PPP2R5C: variants seen among roughly 807,000 people sequenced by gnomAD.
The protein encoded by PPP2R5C is protein phosphatase 2 regulatory subunit B'gamma, also known as serine/threonine-protein phosphatase 2A 56 kDa regulatory subunit gamma isoform.
PPP2R5C carries 7 observed loss-of-function variants against 68.9 expected under a neutral mutation model. The ratio of observed to expected loss-of-function variants is 0.10; its 90% CI spans 0.06 to 0.19. The LOEUF (loss-of-function observed/expected upper bound fraction) is 0.19, where lower values mean the gene tolerates loss of function less well. Among genes scored for constraint, PPP2R5C ranks in the 10% least tolerant of loss-of-function variants. The pLI is 1.00. For synonymous variants in PPP2R5C, 210 were observed against 222.2 expected, an observed-to-expected ratio of 0.95 and a Z score of 0.49; for missense variants, 348 against 641.3, an observed-to-expected ratio of 0.54 and a Z score of 4.94.
At chr14:101,919,794 C>T (rs1018674992) in intron 13 of PPP2R5C, among the ~76,000 whole-genome samples, 4 of 151,876 alleles carry the variant, frequency 2.6e-5, no homozygotes, top group Admixed American at 1.3e-4. Flanking sequence ...ATGGGGAAAC[C>T]CCATCTCTAC....
chr14:101,791,255 G>A (rs181068732), intron 3 of PPP2R5C, among the ~76,000 whole-genome samples: 189 of 152,236 alleles, frequency 1.2e-3, no homozygotes, highest in Non-Finnish European at 2.1e-3. Flanking sequence ...GTGTAATGGT[G>A]TCTCACTGTG....
intron 13 of PPP2R5C, chr14:101,921,231 T>C (rs2046988607): frequency 4.5e-6 from 1 of 223,268 alleles, no homozygotes; most frequent in African/African-American, 2.4e-5. Context: ...ACTCAGCTGA[T>C]TTTTGTATTT....
chr14:101,763,009 A>G, intron 2 of PPP2R5C, 39 bp downstream of exon 2: 3 of 1,495,108 alleles, frequency 2.0e-6, no homozygotes, highest in Non-Finnish European at 2.7e-6. Context: ...TTTTATACAC[A>G]GCTTTTAACT....
chr14:101,869,173 A>C (rs761529877), intron 2 of PPP2R5C, among the ~76,000 whole-genome samples: 1 of 152,220 alleles, frequency 6.6e-6, no homozygotes, highest in African/African-American at 2.4e-5. Context: ...TCCAGAATGG[A>C]AACTCCATAG....
Position 101,797,740 on chromosome 14 carries a change from T to C in PPP2R5C, c.259+11557T>C, listed in dbSNP as rs1043514802. ...ATACTTTTACTTCGCGTTGGTTCCC[T>C]ACGTTCTTAGAACAAGGAAGGAGTG... On this transcript the variant is annotated intron_variant, in intron 3 of 14. Coordinates refer to the PPP2R5C transcript ENST00000328724. The surrounding 1 kb of genome is among the most constrained non-coding windows in gnomAD (Gnocchi z 4.2). 1 of 159,020 alleles carries C rather than the reference T, an allele frequency of 6.3e-6. No homozygotes were observed. The highest frequency in any genetic ancestry group is 6.2e-5 in the Admixed American group (1 of 16,218). 9.9% of individuals were successfully genotyped at this position (159,020 alleles called of 1,614,324 possible).
chr14:101,916,010 C>T lies in PPP2R5C; in HGVS notation c.1327-1821C>T, dbSNP rs7157928. Among the ~76,000 whole-genome samples, 20,500 of 151,980 alleles carry T rather than the reference C, an allele frequency of 0.13. 1,981 individuals are homozygous for T. The highest frequency in any genetic ancestry group is 0.3 in the East Asian group (1,541 of 5,152). On this transcript the variant is annotated intron_variant, in intron 12 of 13. Transcript: ENST00000334743. The surrounding 1 kb of genome is among the most constrained non-coding windows in gnomAD (Gnocchi z 5.5). The stretch of plus-strand genomic sequence containing the variant: ...ACACAGTGGGTGACAGGTGTCGGTC[C>T]TGGTGGGGTGTCAGTTATGGGGTGG...
chr14:101,761,827 G>A (rs1400482412), upstream of PPP2R5C: 4 of 985,282 alleles, frequency 4.1e-6, no homozygotes, highest in Non-Finnish European at 4.8e-6. Context: ...GGCCGGGGCG[G>A]GGGCGCTGCT....
At chr14:101,881,580 A>G (rs1345073638) in intron 2 of PPP2R5C, among the ~76,000 whole-genome samples, 1 of 152,228 alleles carries the variant, frequency 6.6e-6, no homozygotes, top group Non-Finnish European at 1.5e-5. Flanking sequence ...TGCTGCCCCT[A>G]CCGATCCTCT....
intron 2 of PPP2R5C, chr14:101,765,993 C>A (rs542508460): frequency 6.6e-6 from 1 of 152,332 alleles, no homozygotes; most frequent in South Asian, 2.1e-4. Flanking sequence ...GCTTCTCAGC[C>A]TTGAGAGATG....
At chr14:101,883,214 T>C in intron 3 of PPP2R5C, 43 bp from the exon 6 acceptor site, 1 of 1,364,650 alleles carries the variant, frequency 7.3e-7, no homozygotes, top group Non-Finnish European at 1.0e-6. Context: ...CGCCATTCAA[T>C]AAAATCTCAT....
At chr14:101,760,733 G>A (rs2036453831), upstream of PPP2R5C, 5 of 877,420 alleles carry the variant, frequency 5.7e-6, no homozygotes, top group Admixed American at 8.4e-5. Flanking sequence ...GCTGGTGAGG[G>A]GAGGGGCTGG....
chr14:101,777,540 G>T (rs1321962979), intron 2 of PPP2R5C, among the ~76,000 whole-genome samples: 1 of 152,002 alleles, frequency 6.6e-6, no homozygotes, highest in Non-Finnish European at 1.5e-5. Context: ...AGTAGGGATG[G>T]GGTTTCACCA....
intron 9 of PPP2R5C, among the ~76,000 whole-genome samples, chr14:101,903,917 G>A (rs548251595): frequency 4.0e-5 from 6 of 151,888 alleles, no homozygotes; most frequent in Admixed American, 6.6e-5. Flanking sequence ...CTCATGATCC[G>A]CCCACCTCGG....
intron 1 of PPP2R5C, among the ~76,000 whole-genome samples, chr14:101,845,438 C>T (rs1327630411): frequency 6.6e-6 from 1 of 151,938 alleles, no homozygotes; most frequent in Admixed American, 6.6e-5. Context: ...GACTTCTCTC[C>T]ATCCGGGGCG....
intron 2 of PPP2R5C, among the ~76,000 whole-genome samples, chr14:101,872,409 T>C (rs1230473993): frequency 6.6e-6 from 1 of 151,828 alleles, no homozygotes; most frequent in East Asian, 1.9e-4. Flanking sequence ...AGCTAATTTT[T>C]TTACTTTTTG....
chr14:101,892,973 C>T, intron 6 of PPP2R5C, 27 bp from the exon 9 acceptor site: 1 of 1,478,094 alleles, frequency 6.8e-7, no homozygotes, highest in Non-Finnish European at 9.4e-7. Context: ...CGTAAATGTT[C>T]AAACCTAATA....
exon 14 of PPP2R5C, chr14:101,925,740 C>T (rs943116386): frequency 6.5e-6 from 1 of 152,974 alleles, no homozygotes; most frequent in Non-Finnish European, 1.5e-5. Flanking sequence ...CAGCAGTTCT[C>T]GTTTTGTTTG....
intron 1 of PPP2R5C, among the ~76,000 whole-genome samples, chr14:101,841,939 C>T (rs749408156): frequency 5.3e-5 from 8 of 152,148 alleles, no homozygotes; most frequent in Non-Finnish European, 8.8e-5. Flanking sequence ...AGCTTCTTGG[C>T]ACCTGATTTC....
chr14:101,866,585 G>C (rs570258553), intron 2 of PPP2R5C, among the ~76,000 whole-genome samples: 10 of 151,842 alleles, frequency 6.6e-5, no homozygotes, highest in African/African-American at 2.4e-4. Context: ...CAGGAGAATC[G>C]CTTAAACCCT....
Sources: allele counts gnomAD v4.1 joint callset (sites outside exome capture counted in the v4.1 genomes callset), GRCh38; gene constraint gnomAD v4.1.1; non-coding constraint Gnocchi (gnomAD v3.1); transcripts MANE v1.5; gene names NCBI Gene and HGNC (gene_info 2026-07-23, HGNC 2026-07-21).